CFAP210: variants seen among roughly 807,000 people sequenced by gnomAD.
CFAP210 encodes cilia- and flagella- associated protein 210.
the CFAP210 span, among the ~76,000 whole-genome samples, chr2:169,689,137 G>C: frequency 2.0e-5 from 3 of 152,120 alleles, no homozygotes; most frequent in Non-Finnish European, 4.4e-5. Flanking sequence ...AATAGCACGG[G>C]AAAGACTGGC....
chr2:169,682,877 G>C, the CFAP210 span, among the ~76,000 whole-genome samples: 1 of 152,082 alleles, frequency 6.6e-6, no homozygotes, highest in Non-Finnish European at 1.5e-5. Context: ...TTGCAAAATG[G>C]GGTCATTAAC....
At chr2:169,649,371 C>A in the CFAP210 span, 1 of 1,591,552 alleles carries the variant, frequency 6.3e-7, no homozygotes. Context: ...GCAAAGGAAA[C>A]ATATAAAACC....
chr2:169,685,754 T>A, the CFAP210 span, among the ~76,000 whole-genome samples: 1 of 136,588 alleles, frequency 7.3e-6, no homozygotes, highest in Non-Finnish European at 1.7e-5. Flanking sequence ...TATTTAGTTA[T>A]ATGATTCATT....
chr2:169,645,599 G>T, the CFAP210 span: 1 of 413,166 alleles, frequency 2.4e-6, no homozygotes, highest in South Asian at 3.4e-5. Flanking sequence ...ACAATATTTT[G>T]AATGTACTTA....
the CFAP210 span, chr2:169,658,722 T>G: frequency 6.2e-6 from 2 of 322,306 alleles, no homozygotes; most frequent in South Asian, 5.9e-5. Context: ...GAACTGTTAT[T>G]GCATCATGGA....
chr2:169,662,874 C>T, the CFAP210 span, among the ~76,000 whole-genome samples: 149 of 152,308 alleles, frequency 9.8e-4, 1 homozygote, highest in African/African-American at 3.5e-3. Context: ...CTCAACTGAC[C>T]ACTTGGGTTG....
chr2:169,674,953 T>C, the CFAP210 span: 2 of 1,545,690 alleles, frequency 1.3e-6, no homozygotes, highest in Non-Finnish European at 1.7e-6. Flanking sequence ...TGTTTGTATA[T>C]TTCTTCTTCC....
the CFAP210 span, among the ~76,000 whole-genome samples, chr2:169,655,904 G>A: frequency 2.0e-5 from 3 of 152,148 alleles, no homozygotes; most frequent in South Asian, 2.1e-4. Context: ...AAAAGAAAAC[G>A]GCAGAAACAA....
At chr2:169,649,391 A>T in the CFAP210 span, 1 of 1,542,428 alleles carries the variant, frequency 6.5e-7, no homozygotes, top group Non-Finnish European at 8.8e-7. Flanking sequence ...CAGTTATAGC[A>T]ACCAGTCTTG....
At chr2:169,669,455 A>G in the CFAP210 span, among the ~76,000 whole-genome samples, 16 of 152,216 alleles carry the variant, frequency 1.1e-4, no homozygotes, top group African/African-American at 3.6e-4. Flanking sequence ...TCTCTGGATG[A>G]TAAGTAAAGA....
the CFAP210 span, among the ~76,000 whole-genome samples, chr2:169,676,420 GT>G: frequency 2.0e-5 from 3 of 150,870 alleles, no homozygotes; most frequent in Admixed American, 2.0e-4. Flanking sequence ...TACCAGGGAC[GT>G]TTTTAAAATC....
At chr2:169,651,226 G>GGA in the CFAP210 span, among the ~76,000 whole-genome samples, 26 of 102,054 alleles carry the variant, frequency 2.5e-4, no homozygotes, top group Middle Eastern at 5.7e-3. Flanking sequence ...GACTCTGTCT[G>GGA]AAAAAAAAAA....
chr2:169,673,984 C>T, the CFAP210 span, among the ~76,000 whole-genome samples: 2 of 152,126 alleles, frequency 1.3e-5, no homozygotes, highest in African/African-American at 4.8e-5. Context: ...TCACTCCCTT[C>T]CCCTTCCTGT....
the CFAP210 span, chr2:169,675,039 C>T: frequency 6.8e-7 from 1 of 1,480,804 alleles, no homozygotes; most frequent in Non-Finnish European, 8.9e-7. Context: ...TTCTTTCATC[C>T]CCTGTAAAAA....
chr2:169,662,738 T>C, the CFAP210 span, among the ~76,000 whole-genome samples: 2 of 152,348 alleles, frequency 1.3e-5, no homozygotes, highest in East Asian at 1.9e-4. Context: ...GGTGACATTA[T>C]TTTACAGAAA....
the CFAP210 span, among the ~76,000 whole-genome samples, chr2:169,671,654 G>A: frequency 6.6e-6 from 1 of 152,112 alleles, no homozygotes; most frequent in African/African-American, 2.4e-5. Flanking sequence ...TTTTTTAGTA[G>A]AGACAGGGTT....
chr2:169,689,326 T>C, the CFAP210 span, among the ~76,000 whole-genome samples: 1 of 152,234 alleles, frequency 6.6e-6, no homozygotes, highest in South Asian at 2.1e-4. Flanking sequence ...GGGTAAATTT[T>C]TGCTTATTCC....
chr2:169,685,151 A>G, the CFAP210 span, among the ~76,000 whole-genome samples: 732 of 152,394 alleles, frequency 4.8e-3, 4 homozygotes, highest in African/African-American at 0.017. Flanking sequence ...GAACAGAATT[A>G]TAACTCCATA....
the CFAP210 span, among the ~76,000 whole-genome samples, chr2:169,671,203 C>T: frequency 6.6e-6 from 1 of 152,300 alleles, no homozygotes; most frequent in Admixed American, 6.5e-5. Context: ...ATCTTGACTA[C>T]TTGGAGTTCT....
Sources: allele counts gnomAD v4.1 joint callset (sites outside exome capture counted in the v4.1 genomes callset), GRCh38; gene constraint gnomAD v4.1.1; transcripts MANE v1.5; gene names NCBI Gene and HGNC (gene_info 2026-07-23, HGNC 2026-07-21).